The following EVL variants were observed in gnomAD, a reference collection of about 807,000 sequenced individuals.
EVL encodes Enah/Vasp-like, also known as ena/VASP-like protein.
Under a neutral mutation model 59.6 loss-of-function variants are expected in EVL, and 21 were observed. The observed-to-expected ratio is 0.35, with a 90% CI of 0.25 to 0.51. The LOEUF (loss-of-function observed/expected upper bound fraction) is 0.51. Among genes scored for constraint, EVL ranks in the 20% least tolerant of loss-of-function variants. EVL has a pLI of 0.97. For synonymous variants in EVL, 198 were observed against 203.5 expected, an observed-to-expected ratio of 0.97 and a Z score of 0.23; for missense variants, 462 against 546.6, an observed-to-expected ratio of 0.85 and a Z score of 1.54.
At chr14:100,037,682 G>A (rs143404519) in intron 1 of EVL, among the ~76,000 whole-genome samples, 1 of 152,330 alleles carries the variant, frequency 6.6e-6, no homozygotes, top group African/African-American at 2.4e-5. Context: ...TCAGATCTCT[G>A]TGAGTCCCTC....
chr14:100,066,667 C>A (rs2061935910), intron 1 of EVL, among the ~76,000 whole-genome samples: 1 of 152,208 alleles, frequency 6.6e-6, no homozygotes, highest in Admixed American at 6.5e-5. Flanking sequence ...CTTCCAAAGT[C>A]ATTTTCAGTT....
At chr14:100,126,597 G>A (rs765507878) in intron 4 of EVL, 110 bp from the exon 5 acceptor site, 39 of 1,133,936 alleles carry the variant, frequency 3.4e-5, no homozygotes, top group African/African-American at 1.2e-4. Flanking sequence ...CTTGTGGAGC[G>A]CTGGCGAAAC....
Position 99,984,583 on chromosome 14 carries a change from C to T in EVL, c.5+12526C>T, listed in dbSNP as rs562112985. Among the ~76,000 whole-genome samples, 92 of 152,204 alleles carry T rather than the reference C, an allele frequency of 6.0e-4. 1 individual carries two copies. The highest frequency in any genetic ancestry group is 2.4e-3 in the Admixed American group (37 of 15,290). ...TATAGTTTCTCCTGTTAATTAACAT[C>T]TTATATTAGTATGATACATTATTAC... On this transcript the variant is annotated intron_variant, in intron 1 of 13. Transcript: ENST00000402714.
At chr14:100,132,403 C>T (rs533129984) in intron 7 of EVL, among the ~76,000 whole-genome samples, 4 of 152,124 alleles carry the variant, frequency 2.6e-5, no homozygotes, top group South Asian at 4.2e-4. Flanking sequence ...GGGGACAGAG[C>T]GTGCCCGCCT....
intron 3 of EVL, chr14:100,102,365 G>A (rs1457231448): frequency 2.2e-6 from 1 of 456,062 alleles, no homozygotes; most frequent in East Asian, 6.9e-5. Flanking sequence ...AATGGAGGCA[G>A]CCTAACGTCA....
At chr14:100,060,754 C>G (rs1393430393), upstream of EVL, among the ~76,000 whole-genome samples, 1 of 151,836 alleles carries the variant, frequency 6.6e-6, no homozygotes, top group Non-Finnish European at 1.5e-5. Context: ...AATTACATAC[C>G]TAAGAATCTC....
chr14:99,995,466 A>T (rs184671358), intron 1 of EVL, among the ~76,000 whole-genome samples: 1 of 151,264 alleles, frequency 6.6e-6, no homozygotes, highest in African/African-American at 2.4e-5. Context: ...TTCTTTGTTG[A>T]TATTCTCATT....
chr14:100,077,461 C>T (rs531080499), intron 1 of EVL, among the ~76,000 whole-genome samples: 1 of 152,294 alleles, frequency 6.6e-6, no homozygotes, highest in African/African-American at 2.4e-5. Flanking sequence ...TAAGTTATGT[C>T]CAACAGTTAG....
chr14:100,094,382 A>G (rs1885658519), intron 2 of EVL, among the ~76,000 whole-genome samples: 1 of 152,152 alleles, frequency 6.6e-6, no homozygotes, highest in South Asian at 2.1e-4. Flanking sequence ...AGGTTTGGAA[A>G]AAAAGAAAAA....
At chr14:100,019,589 TCTGA>T (rs1312841352) in intron 1 of EVL, 28 of 1,339,200 alleles carry the variant, frequency 2.1e-5, no homozygotes, top group Non-Finnish European at 2.4e-5. Context: ...CTTTGCACCA[TCTGA>T]CTAACTAAAT....
At chr14:100,067,230 A>C (rs1481913304) in intron 1 of EVL, among the ~76,000 whole-genome samples, 1 of 152,204 alleles carries the variant, frequency 6.6e-6, no homozygotes, top group African/African-American at 2.4e-5. Flanking sequence ...AGGAGCTGTG[A>C]ACTTTTCGTT....
intron 3 of EVL, chr14:100,106,996 G>A (rs2140336975): frequency 2.5e-6 from 1 of 398,734 alleles, no homozygotes; most frequent in South Asian, 1.3e-4. Context: ...ATGTCCTGGA[G>A]CCGGGCTACG....
At chr14:100,062,389 C>A, upstream of EVL, among the ~76,000 whole-genome samples, 1 of 150,286 alleles carries the variant, frequency 6.7e-6, no homozygotes. Flanking sequence ...GTGTACCCTA[C>A]AAAGTTAAGA....
intron 1 of EVL, among the ~76,000 whole-genome samples, chr14:100,003,164 T>G (rs1161328993): frequency 6.6e-6 from 1 of 152,146 alleles, no homozygotes; most frequent in Non-Finnish European, 1.5e-5. Context: ...TCCACTATAG[T>G]CCCTGGGCCT....
chr14:100,141,814 G>A, intron 13 of EVL, 21 bp downstream of exon 13: 1 of 1,611,148 alleles, frequency 6.2e-7, no homozygotes, highest in Non-Finnish European at 8.5e-7. Context: ...CCCCACCGGG[G>A]AGGGTGGCAC....
intron 1 of EVL, among the ~76,000 whole-genome samples, chr14:100,082,461 G>A (rs944553647): frequency 9.2e-5 from 14 of 152,160 alleles, no homozygotes; most frequent in Non-Finnish European, 1.9e-4. Context: ...CACAGGCTCT[G>A]CAGAGCACCC....
At chr14:100,138,045 G>T (rs889779527) in intron 11 of EVL, 1 of 265,340 alleles carries the variant, frequency 3.8e-6, no homozygotes, top group Non-Finnish European at 6.8e-6. Flanking sequence ...AGGTAGTGCA[G>T]GGGGGGGCCA....
At chr14:100,001,431 G>GTC (rs979272481) in intron 1 of EVL, among the ~76,000 whole-genome samples, 7 of 152,158 alleles carry the variant, frequency 4.6e-5, no homozygotes, top group African/African-American at 1.4e-4. Context: ...AATAGAATTC[G>GTC]TCTCTCTCTC....
intron 2 of EVL, among the ~76,000 whole-genome samples, chr14:100,091,772 A>C (rs977366559): frequency 6.6e-6 from 1 of 152,154 alleles, no homozygotes; most frequent in Non-Finnish European, 1.5e-5. Context: ...TCGGAAGCAC[A>C]AGTCACAACC....
Sources: gnomAD v4.1 joint callset for allele counts (sites outside exome capture counted in the v4.1 genomes callset) on GRCh38, gnomAD v4.1.1 for gene constraint, MANE v1.5 for transcripts, NCBI Gene and HGNC (gene_info 2026-07-23, HGNC 2026-07-21) for gene names.